The following ZNF385D variants were observed in gnomAD, a reference collection of about 807,000 sequenced individuals.
ZNF385D encodes zinc finger protein 385D.
ZNF385D carries 15 observed loss-of-function variants against 35.8 expected under a neutral mutation model. That is an observed-to-expected ratio of 0.42 (90% CI 0.28 to 0.64). ZNF385D has a LOEUF of 0.64. Ranked by LOEUF, ZNF385D falls within the 30% of genes least tolerant of loss-of-function variation. The probability of loss-of-function intolerance (pLI) is 0.23; values close to 1 mark genes in which losing one functional copy is unlikely to be tolerated. For missense variants in ZNF385D, 474 were observed against 494.6 expected, an observed-to-expected ratio of 0.96 and a Z score of 0.39; for synonymous variants, 212 against 186.8, an observed-to-expected ratio of 1.13 and a Z score of -1.10.
intron 1 of ZNF385D, among the ~76,000 whole-genome samples, chr3:21,713,450 TGG>T (rs2068194125): frequency 1.3e-5 from 2 of 152,158 alleles, no homozygotes; most frequent in African/African-American, 4.8e-5. Flanking sequence ...GGCATAGAGG[TGG>T]GGTATACATT....
At chr3:22,131,442 G>T (rs1390823227) in intron 3 of ZNF385D, among the ~76,000 whole-genome samples, 1 of 152,024 alleles carries the variant, frequency 6.6e-6, no homozygotes, top group African/African-American at 2.4e-5. Context: ...GAATAGGTGG[G>T]GTTGAAGTAG....
chr3:21,570,739 C>T (rs1314594349), intron 2 of ZNF385D, among the ~76,000 whole-genome samples: 2 of 152,038 alleles, frequency 1.3e-5, no homozygotes, highest in Non-Finnish European at 2.9e-5. Context: ...GGGAGACTTG[C>T]TAACACAAGC....
At chr3:21,660,961 G>T (rs986766793) in intron 2 of ZNF385D, among the ~76,000 whole-genome samples, 1 of 152,164 alleles carries the variant, frequency 6.6e-6, no homozygotes, top group Non-Finnish European at 1.5e-5. Flanking sequence ...CTGGAAGCCT[G>T]AGGCTTATAT....
At chr3:21,929,744 C>A (rs1353831036) in intron 3 of ZNF385D, among the ~76,000 whole-genome samples, 1 of 151,834 alleles carries the variant, frequency 6.6e-6, no homozygotes, top group Non-Finnish European at 1.5e-5. Flanking sequence ...ATAACTTTAA[C>A]AAAAGAGGGG....
intron 3 of ZNF385D, among the ~76,000 whole-genome samples, chr3:22,154,437 C>T (rs1278402667): frequency 6.6e-6 from 1 of 152,136 alleles, no homozygotes; most frequent in African/African-American, 2.4e-5. Flanking sequence ...GAGGGCTTCA[C>T]CACGTAAGAA....
At chr3:21,779,308 C>T (rs1292636379) in intron 3 of ZNF385D, among the ~76,000 whole-genome samples, 1 of 151,704 alleles carries the variant, frequency 6.6e-6, no homozygotes, top group Non-Finnish European at 1.5e-5. Context: ...GATCATAAGC[C>T]CCAAATAGTT....
At chr3:22,255,352 A>C (rs1259312133) in intron 2 of ZNF385D, among the ~76,000 whole-genome samples, 4 of 151,734 alleles carry the variant, frequency 2.6e-5, no homozygotes, top group African/African-American at 9.7e-5. Flanking sequence ...AATAATGAAC[A>C]GACAAATATA....
intron 3 of ZNF385D, among the ~76,000 whole-genome samples, chr3:21,846,856 T>C (rs182554111): frequency 1.6e-4 from 25 of 152,154 alleles, no homozygotes; most frequent in African/African-American, 5.8e-4. Context: ...GGAACCTTGC[T>C]GACCAAAATA....
chr3:21,753,903 T>C (rs1180847334), upstream of ZNF385D, among the ~76,000 whole-genome samples: 1 of 152,112 alleles, frequency 6.6e-6, no homozygotes, highest in Non-Finnish European at 1.5e-5. Flanking sequence ...GTTTGACCTT[T>C]TTACACTCTA....
chr3:21,716,863 C>T (rs1321339856), intron 1 of ZNF385D, among the ~76,000 whole-genome samples: 3 of 152,042 alleles, frequency 2.0e-5, no homozygotes, highest in Non-Finnish European at 4.4e-5. Flanking sequence ...GTGGCTCATA[C>T]CTGTAATCCC....
intron 3 of ZNF385D, among the ~76,000 whole-genome samples, chr3:22,039,959 G>A: frequency 6.6e-6 from 1 of 152,142 alleles, no homozygotes; most frequent in East Asian, 1.9e-4. Flanking sequence ...ATACCTAGCA[G>A]GAGATCAGAA....
chr3:22,045,865 T>C (rs1429690887), intron 3 of ZNF385D, among the ~76,000 whole-genome samples: 6 of 152,006 alleles, frequency 3.9e-5, no homozygotes, highest in Non-Finnish European at 1.5e-5. Context: ...AAACTCGAGC[T>C]CTTTGCCACT....
At chr3:21,648,281 CCTG>C (rs1371828351) in intron 2 of ZNF385D, among the ~76,000 whole-genome samples, 2 of 152,170 alleles carry the variant, frequency 1.3e-5, no homozygotes, top group Non-Finnish European at 2.9e-5. Context: ...TCTTCTCTCT[CCTG>C]CTGCCATGTG....
chr3:22,342,757 C>A (rs371965083), intron 2 of ZNF385D, among the ~76,000 whole-genome samples: 2 of 152,270 alleles, frequency 1.3e-5, no homozygotes, highest in African/African-American at 4.8e-5. Flanking sequence ...AAAATAATAC[C>A]TCAGCCCTTG....
At chr3:22,095,215 T>C (rs1272103904) in intron 3 of ZNF385D, among the ~76,000 whole-genome samples, 1 of 151,138 alleles carries the variant, frequency 6.6e-6, no homozygotes, top group Non-Finnish European at 1.5e-5. Flanking sequence ...GTGTGAACGA[T>C]AGCACCTGGT....
chr3:21,428,098 A>G (rs746439242), intron 5 of ZNF385D, among the ~76,000 whole-genome samples: 2 of 152,190 alleles, frequency 1.3e-5, no homozygotes, highest in Admixed American at 6.6e-5. Context: ...TTGAGTAGGC[A>G]GTAAGTGTAG....
At chr3:21,451,211 C>A (rs191660689) in intron 4 of ZNF385D, among the ~76,000 whole-genome samples, 6 of 152,038 alleles carry the variant, frequency 3.9e-5, no homozygotes, top group Admixed American at 3.3e-4. Context: ...TTTGAAGGTA[C>A]TATCATCACA....
intron 3 of ZNF385D, among the ~76,000 whole-genome samples, chr3:22,012,164 G>A (rs1053390517): frequency 6.6e-6 from 1 of 152,152 alleles, no homozygotes; most frequent in African/African-American, 2.4e-5. Flanking sequence ...CTGGGGCAAA[G>A]AAGTCCATTA....
At chr3:21,835,710 T>C (rs953580231) in intron 3 of ZNF385D, among the ~76,000 whole-genome samples, 7 of 152,060 alleles carry the variant, frequency 4.6e-5, no homozygotes, top group Non-Finnish European at 8.8e-5. Context: ...TGGAACTGTA[T>C]TGTTATGGGG....
Sources: gnomAD v4.1 joint callset for allele counts (sites outside exome capture counted in the v4.1 genomes callset) on GRCh38, gnomAD v4.1.1 for gene constraint, MANE v1.5 for transcripts, NCBI Gene and HGNC (gene_info 2026-07-23, HGNC 2026-07-21) for gene names.